Variants in HS6ST1 observed in about 807,000 individuals in gnomAD.
HS6ST1 encodes the protein heparan sulfate 6-O-sulfotransferase 1, also known as heparan-sulfate 6-O-sulfotransferase 1.
Under a neutral mutation model 25.2 loss-of-function variants are expected in HS6ST1, and 3 were observed. The observed-to-expected ratio is 0.12, with a 90% confidence interval of 0.05 to 0.31. HS6ST1 has a LOEUF of 0.31. Ranked by LOEUF, HS6ST1 falls within the 10% of genes least tolerant of loss-of-function variation. HS6ST1 has a pLI of 1.00. For missense variants in HS6ST1, 310 were observed against 609.6 expected (o/e 0.51, Z 5.18); for synonymous variants, 204 against 275.1 (o/e 0.74, Z 2.56).
chr2:128,295,532 A>C (rs1031341591), intron 1 of HS6ST1, among the ~76,000 whole-genome samples: 11 of 152,258 alleles, frequency 7.2e-5, no homozygotes, highest in African/African-American at 2.7e-4. Context: ...CTATGAGGTC[A>C]GTATTATCCT....
At chr2:128,275,432 A>G (rs1418276341) in intron 1 of HS6ST1, among the ~76,000 whole-genome samples, 5 of 152,254 alleles carry the variant, frequency 3.3e-5, no homozygotes, top group Non-Finnish European at 7.3e-5. Context: ...GAAGGTAAAC[A>G]CCGGAAGTAT....
chr2:128,307,166 C>T (rs1237188951), intron 1 of HS6ST1, among the ~76,000 whole-genome samples: 11 of 152,144 alleles, frequency 7.2e-5, no homozygotes, highest in African/African-American at 1.7e-4. Flanking sequence ...GGCCCTGGCA[C>T]GTGAGGAACT....
rs565007958 is a variant in HS6ST1 at position 128,273,993 on chromosome 2, T to C, written c.528-5123A>G. Among the ~76,000 whole-genome samples, 4 of 152,178 alleles carry C rather than the reference T, an allele frequency of 2.6e-5. No homozygotes were observed. The East Asian group carries it at 7.8e-4, about 29-fold the overall frequency. On this transcript the variant is annotated intron_variant, in intron 1 of 1. Coordinates refer to ENST00000259241, the MANE Select transcript of HS6ST1 (RefSeq NM_004807.3). ...AGCCCCTGCCCTCAGGAGCCCAGGC[T>C]CATCTAATCCCTGCCTCGCACCCCC...
chr2:128,310,220 C>T (rs887780461), intron 1 of HS6ST1, among the ~76,000 whole-genome samples: 5 of 152,336 alleles, frequency 3.3e-5, no homozygotes, highest in African/African-American at 1.2e-4. Context: ...ACCGCAGCCT[C>T]AGCGCCTGGT....
chr2:128,286,759 T>C (rs1297762818), intron 1 of HS6ST1, among the ~76,000 whole-genome samples: 3 of 152,188 alleles, frequency 2.0e-5, no homozygotes, highest in Non-Finnish European at 4.4e-5. Flanking sequence ...TGCAAGCGGG[T>C]GAAAATCTTT....
At chr2:128,276,003 T>G (rs1468551136) in intron 1 of HS6ST1, among the ~76,000 whole-genome samples, 1 of 152,086 alleles carries the variant, frequency 6.6e-6, no homozygotes, top group African/African-American at 2.4e-5. Flanking sequence ...CACAACACCA[T>G]GGGAAAGGTG....
intron 1 of HS6ST1, among the ~76,000 whole-genome samples, chr2:128,303,953 G>A (rs2104932504): frequency 6.6e-6 from 1 of 152,342 alleles, no homozygotes; most frequent in African/African-American, 2.4e-5. Context: ...AGAACAGGAA[G>A]GTGGAGGAAG....
In HS6ST1 at chr2:128,268,162, C is replaced by T. The variant is rs755244835; in HGVS notation, c.1236G>A (p.Ter412=). The stretch of plus-strand genomic sequence containing the variant: ...GGCCTCCCCGTGGCCACCACCGCCA[C>T]TACCACTTCTCAATGATGTGGCTCA... ...DYMSHIIEKW[*] Residue 412 remains the stop codon, a stop_retained_variant, in exon 2 of 2, where the codon TAG becomes TAA. Transcript: ENST00000259241. The T allele has an allele frequency of 9.3e-6, 15 of 1,605,494 alleles. No homozygotes were observed. Among genetic ancestry groups the T allele is most frequent in the Admixed American group, 1.7e-5 (1 of 59,590 alleles).
rs191505972 is a variant in HS6ST1 at position 128,301,787 on chromosome 2, G to A, written c.527+16250C>T. Reference sequence around the variant, plus strand: ...TTGAAGCCTGCAGCTGATCCTGCCCGCTGGGCCCAGCCTCCATGGGGTCCC... The same window carrying A: ...TTGAAGCCTGCAGCTGATCCTGCCCACTGGGCCCAGCCTCCATGGGGTCCC... On this transcript the variant is annotated intron_variant, in intron 1 of 1. Coordinates refer to ENST00000259241, the MANE Select transcript of HS6ST1 (RefSeq NM_004807.3). Among the ~76,000 whole-genome samples the A allele has an allele frequency of 3.0e-3, 463 of 152,284 alleles. 5 individuals carry two copies. The highest frequency in any genetic ancestry group is 0.028 in the South Asian group (133 of 4,824).
chr2:128,274,144 A>G (rs1481250573), intron 1 of HS6ST1, among the ~76,000 whole-genome samples: 1 of 152,222 alleles, frequency 6.6e-6, no homozygotes, highest in Non-Finnish European at 1.5e-5. Context: ...AGTGCCTGCC[A>G]GCAAGGCTTC....
intron 1 of HS6ST1, among the ~76,000 whole-genome samples, chr2:128,270,322 A>T (rs527374703): frequency 2.0e-5 from 3 of 152,298 alleles, no homozygotes; most frequent in South Asian, 2.1e-4. Context: ...CAGGGGGCAG[A>T]TAAGCTGTGG....
rs552685134 is a variant in HS6ST1, at chr2:128,278,938, ATT to A, written c.528-10070_528-10069del. Among the ~76,000 whole-genome samples, 558 of 152,352 alleles carry A rather than the reference ATT, an allele frequency of 3.7e-3. 6 individuals are homozygous for A. The highest frequency in any genetic ancestry group is 3.4e-3 in the Middle Eastern group (1 of 294). On this transcript the variant is annotated intron_variant, in intron 1 of 1. Transcript: ENST00000259241. Reference sequence around the variant, plus strand: ...TAACATTTTCTTTATATATTTCTATATTGTCTGTAATTAAACATTACATAAAC... The same window carrying A: ...TAACATTTTCTTTATATATTTCTATAGTCTGTAATTAAACATTACATAAAC...
At chr2:128,282,783 C>G (rs1333917299) in intron 1 of HS6ST1, among the ~76,000 whole-genome samples, 1 of 152,212 alleles carries the variant, frequency 6.6e-6, no homozygotes, top group Non-Finnish European at 1.5e-5. Flanking sequence ...TGGAGGGGAG[C>G]TGGGCACTGC....
chr2:128,317,020 G>A (rs1196162718), intron 1 of HS6ST1, among the ~76,000 whole-genome samples: 1 of 152,222 alleles, frequency 6.6e-6, no homozygotes, highest in Non-Finnish European at 1.5e-5. Context: ...AGAAACAAAA[G>A]GCAGACAAGA....
intron 1 of HS6ST1, among the ~76,000 whole-genome samples, chr2:128,309,720 G>T (rs1484056907): frequency 2.6e-5 from 4 of 152,224 alleles, no homozygotes; most frequent in Non-Finnish European, 5.9e-5. Context: ...TGCTGGTCAC[G>T]TGTGGCCTTC....
At chr2:128,315,773 G>C (rs1418347676) in intron 1 of HS6ST1, among the ~76,000 whole-genome samples, 1 of 152,212 alleles carries the variant, frequency 6.6e-6, no homozygotes, top group East Asian at 1.9e-4. Context: ...CCTCAGTGCA[G>C]CTTGGCCCTG....
At chr2:128,312,953 C>T (rs755089614) in intron 1 of HS6ST1, among the ~76,000 whole-genome samples, 3 of 152,122 alleles carry the variant, frequency 2.0e-5, no homozygotes, top group South Asian at 2.1e-4. Context: ...ATCCCAGCTA[C>T]GTGGGAGGCT....
chr2:128,316,720 T>A (rs1366030636), intron 1 of HS6ST1, among the ~76,000 whole-genome samples: 2 of 151,642 alleles, frequency 1.3e-5, no homozygotes, highest in Non-Finnish European at 2.9e-5. Context: ...TGTGTGTGTG[T>A]ACAGTTGGGG....
chr2:128,305,186 C>T (rs997465620), intron 1 of HS6ST1, among the ~76,000 whole-genome samples: 1 of 152,232 alleles, frequency 6.6e-6, no homozygotes, highest in African/African-American at 2.4e-5. Context: ...ATCCCAATAC[C>T]TGCCTTTTAC....
Sources: allele counts gnomAD v4.1 joint callset (sites outside exome capture counted in the v4.1 genomes callset), GRCh38; gene constraint gnomAD v4.1.1; transcripts MANE v1.5; gene names NCBI Gene and HGNC (gene_info 2026-07-23, HGNC 2026-07-21).